Variants in SLX4 observed in about 807,000 individuals in gnomAD.
SLX4 encodes the protein SLX4 structure-specific endonuclease subunit, also known as structure-specific endonuclease subunit SLX4.
SLX4 carries 112 observed loss-of-function variants against 146.2 expected under a neutral mutation model. The observed-to-expected ratio is 0.77, with a 90% confidence interval of 0.66 to 0.90. SLX4 has a LOEUF of 0.90. SLX4 is among the 40% of genes least tolerant of loss of function. The pLI is 0.00. For missense variants in SLX4, 2,563 were observed against 2,392.7 expected (o/e 1.07, Z -1.49); for synonymous variants, 1,061 against 997.7 (o/e 1.06, Z -1.20).
intron 13 of SLX4, among the ~76,000 whole-genome samples, chr16:3,584,069 G>A (rs961709602): frequency 2.6e-5 from 4 of 152,072 alleles, no homozygotes; most frequent in Middle Eastern, 3.2e-3. Context: ...CAGCTTCCCC[G>A]GGTGCCCGAG....
In SLX4 at chr16:3,592,823, T is replaced by C; in HGVS notation, c.2203A>G (p.Thr735Ala). 6.2e-7 allele frequency: 1 copy of C among 1,612,244 alleles called. No homozygotes were observed. Among genetic ancestry groups the C allele is most frequent in the Non-Finnish European group, 8.5e-7 (1 of 1,179,984 alleles). The change falls in exon 11 of 15, where the codon ACC becomes GCC. Residue 735 changes from threonine to alanine, a missense_variant. By Grantham distance (58) the Thr-to-Ala change is moderately conservative. Coordinates refer to ENST00000294008, the MANE Select transcript of SLX4 (RefSeq NM_032444.4). ...ACGTCACCCAGCAGGACACGCTGGG[T>C]CAGAACCCCGTCCTCTACAGCGGAG... Reference protein sequence around the residue: ...GFSAVEDGVLTQRVLLGDVST... With the variant: ...GFSAVEDGVLAQRVLLGDVST...
At chr16:3,594,017 G>A (rs1347413647) in intron 10 of SLX4, among the ~76,000 whole-genome samples, 6 of 151,952 alleles carry the variant, frequency 3.9e-5, no homozygotes, top group Non-Finnish European at 7.4e-5. Flanking sequence ...GACTACAGGC[G>A]CCCGCCACCA....
chr16:3,589,768 G>T lies in SLX4; in HGVS notation c.3870C>A (p.His1290Gln). 4 of 1,613,666 alleles carry T rather than the reference G, an allele frequency of 2.5e-6. No individual in the cohort carries two copies. ...TGTTTCCTACTGAGGCCCTGGGCGT[G>T]TGCTGAGTCACCGCCTGCACGGCCA... ...SGLAVQAVTQ[H>Q]TPRASVGNRE... Residue 1290 changes from histidine to glutamine, a missense_variant, in exon 12 of 15, where the codon CAC (histidine) becomes CAA (glutamine). His to Gln is a conservative substitution (Grantham distance 24). Coordinates refer to ENST00000294008, the MANE Select transcript of SLX4 (RefSeq NM_032444.4). This position sits in a 1 kb window ranked among gnomAD's most constrained non-coding sequence, Gnocchi z 6.2.
chr16:3,594,561 C>T lies in SLX4; in HGVS notation c.2052G>A (p.Met684Ile). 6.2e-7 allele frequency: 1 copy of T among 1,614,106 alleles called. No homozygotes were observed. The highest frequency in any genetic ancestry group is 2.2e-5 in the East Asian group (1 of 44,870). ...CATCACTCAGGTGTGGGTTATTGAC[C>T]ATGGCGCCAAAGTCAGCAACCAGCA... is the stretch of plus-strand genomic sequence containing the variant. Reference protein sequence around the residue: ...LGLLVADFGAMVNNPHLSDVQ... With the variant: ...LGLLVADFGAIVNNPHLSDVQ... The change falls in exon 10 of 15, where the codon ATG (methionine) becomes ATA (isoleucine). Residue 684 changes from methionine (M) to isoleucine (I), a missense_variant. Transcript: ENST00000294008.
intron 12 of SLX4, among the ~76,000 whole-genome samples, chr16:3,586,408 C>A (rs1023398147): frequency 2.0e-5 from 3 of 152,036 alleles, no homozygotes; most frequent in Non-Finnish European, 4.4e-5. Flanking sequence ...GTAGTCCCAG[C>A]TACTCAGGAG....
At chr16:3,587,408 A>G (rs1171536556) in intron 12 of SLX4, among the ~76,000 whole-genome samples, 4 of 152,108 alleles carry the variant, frequency 2.6e-5, no homozygotes, top group Non-Finnish European at 5.9e-5. Flanking sequence ...AGGCAGGAGA[A>G]TCCCTTGAAC....
chr16:3,592,346 C>A (rs2040602772), intron 11 of SLX4, among the ~76,000 whole-genome samples: 1 of 152,254 alleles, frequency 6.6e-6, no homozygotes, highest in Admixed American at 6.5e-5. Flanking sequence ...CTGGAAAGGA[C>A]TGCTGTTGTT....
intron 12 of SLX4, 66 bp downstream of exon 12, chr16:3,588,936 T>G: frequency 1.2e-6 from 2 of 1,602,506 alleles, no homozygotes; most frequent in Non-Finnish European, 1.7e-6. Context: ...TGACTGATCT[T>G]CCCACCCTCT....
At chr16:3,586,381 C>T (rs1690628216) in intron 12 of SLX4, among the ~76,000 whole-genome samples, 1 of 151,778 alleles carries the variant, frequency 6.6e-6, no homozygotes, top group African/African-American at 2.4e-5. Flanking sequence ...ATTAGCTGGG[C>T]ATGGTGGCAG....
In SLX4 at chr16:3,584,969, G is replaced by A. The variant is rs973370377; in HGVS notation, c.4637-98C>T. ...GACCAAGAGGAATAATGCACTTGAA[G>A]ATAACCCAAGCATCGTTTTGCTCCA... is the stretch of plus-strand genomic sequence containing the variant. On this transcript the variant is annotated intron_variant, in intron 12 of 14. Transcript: ENST00000294008. The A allele has an allele frequency of 3.0e-4, 274 of 913,338 alleles. 3 individuals are homozygous for A. Among genetic ancestry groups the A allele is most frequent in the Admixed American group, 3.6e-4 (21 of 58,288 alleles). The allele number at this position is 913,338 out of a possible 1,614,324, so 56.6% of individuals were successfully genotyped here. A position where few individuals can be genotyped will look rare whatever the true frequency, so the allele number is the denominator to read the frequency against.
Position 3,589,523 on chromosome 16 carries a change from C to T in SLX4, c.4115G>A (p.Arg1372Gln), listed in dbSNP as rs79174372. The T allele has an allele frequency of 1.8e-3, 2,821 of 1,609,776 alleles. 34 individuals carry two copies. In the African/African-American group the frequency reaches 0.031, roughly 18 times the overall value. The change falls in exon 12 of 15, where the codon CGG becomes CAG. Residue 1372 changes from arginine (R) to glutamine (Q), a missense_variant. Arg to Gln is a conservative substitution (Grantham distance 43). Transcript: ENST00000294008. The surrounding 1 kb of genome is among the most constrained non-coding windows in gnomAD (Gnocchi z 6.2). ...ISGDRAHFSR[R>Q]FLKHSPPGPS... The stretch of plus-strand genomic sequence containing the variant: ...CCCAGGCGGCGAGTGTTTCAGGAAC[C>T]GCCTGCTGAAGTGGGCGCGGTCCCC...
chr16:3,586,131 A>G (rs1240770529), intron 12 of SLX4, among the ~76,000 whole-genome samples: 1 of 152,196 alleles, frequency 6.6e-6, no homozygotes, highest in African/African-American at 2.4e-5. Context: ...TGACCCAGCA[A>G]TTCCACTCCT....
Position 3,608,958 on chromosome 16 carries a change from G to A in SLX4, c.7C>T (p.Leu3=), listed in dbSNP as rs751472980. The A allele has an allele frequency of 3.7e-5, 60 of 1,612,870 alleles. No individual in the cohort carries two copies. Among genetic ancestry groups the A allele is most frequent in the Admixed American group, 1.7e-5 (1 of 59,998 alleles). The change falls in exon 2 of 15, where the codon CTG becomes TTG. Residue 3 remains leucine (L), a synonymous_variant. Coordinates refer to ENST00000294008, the MANE Select transcript of SLX4 (RefSeq NM_032444.4). The stretch of plus-strand genomic sequence containing the variant: ...CCTAGCTGAGCCTCATTCACACTCA[G>A]TTTCATTAGGGTTCTTCTCTACTTC... MK[L]SVNEAQLGFY... is the part of the protein sequence containing the mutation.
intron 14 of SLX4, 50 bp from the exon 15 acceptor site, chr16:3,582,743 C>T: frequency 6.6e-7 from 1 of 1,512,740 alleles, no homozygotes; most frequent in Non-Finnish European, 9.0e-7. Flanking sequence ...TCTCCAGCCC[C>T]TGAGACCATG....
chr16:3,602,046 C>T (rs1458221635), intron 4 of SLX4, 72 bp downstream of exon 4: 6 of 1,590,260 alleles, frequency 3.8e-6, no homozygotes, highest in Non-Finnish European at 1.7e-6. Context: ...TGGAGATCCG[C>T]ACTCCAGCCC....
At chr16:3,598,607 G>A (rs1229786757) in intron 5 of SLX4, among the ~76,000 whole-genome samples, 6 of 152,216 alleles carry the variant, frequency 3.9e-5, no homozygotes, top group African/African-American at 7.2e-5. Context: ...GGCTGCCTGG[G>A]TGACTCCCAA....
chr16:3,604,047 T>C (rs1393039601), intron 3 of SLX4, among the ~76,000 whole-genome samples: 2 of 151,944 alleles, frequency 1.3e-5, no homozygotes, highest in African/African-American at 4.8e-5. Context: ...CTGGGCAACA[T>C]GGTGAAACCC....
At position 3,601,100 on chromosome 16, in the gene SLX4, T is replaced by C. The variant is rs1323644907; in HGVS notation, c.1042A>G (p.Ser348Gly). The C allele has an allele frequency of 1.4e-5, 22 of 1,614,008 alleles. No individual in the cohort carries two copies. The highest frequency in any genetic ancestry group is 1.7e-5 in the Non-Finnish European group (20 of 1,180,024). The change falls in exon 5 of 15, where the codon AGC (serine) becomes GGC (glycine). Residue 348 changes from serine to glycine, a missense_variant. Transcript: ENST00000294008. ...CACTGCTTCAAGTGACTGGTTCTGC[T>C]CTTTAAGGTAAGAAACGGTTTCCCA... Reference protein sequence around the residue: ...ICGKPFLTLKSRTSHLKQCAV... With the variant: ...ICGKPFLTLKGRTSHLKQCAV...
Position 3,602,127 on chromosome 16 carries a change from T to C in SLX4, c.941A>G (p.His314Arg), listed in dbSNP as rs1274906202. The C allele has an allele frequency of 1.9e-6, 3 of 1,614,000 alleles. No individual in the cohort carries two copies. Among genetic ancestry groups the C allele is most frequent in the East Asian group, 2.2e-5 (1 of 44,898 alleles). Reference sequence around the variant, plus strand: ...CCCAAGCTGCCCCCACCTGTTCACATGCTGTTCCCTTCGGGTCACGTTCAT... The same window carrying C: ...CCCAAGCTGCCCCCACCTGTTCACACGCTGTTCCCTTCGGGTCACGTTCAT... Reference protein sequence around the residue: ...SAMNVTRREQHVNRCLDEAEK... With the variant: ...SAMNVTRREQRVNRCLDEAEK... The change falls in exon 4 of 15, where the codon CAT becomes CGT. Residue 314 changes from histidine (H) to arginine (R), a missense_variant. Coordinates refer to ENST00000294008, the MANE Select transcript of SLX4 (RefSeq NM_032444.4).
Sources: allele counts gnomAD v4.1 joint callset (sites outside exome capture counted in the v4.1 genomes callset), GRCh38; gene constraint gnomAD v4.1.1; non-coding constraint Gnocchi (gnomAD v3.1); transcripts MANE v1.5; gene names NCBI Gene and HGNC (gene_info 2026-07-23, HGNC 2026-07-21).